The following KCNJ3 variants were observed in gnomAD, a reference collection of about 807,000 sequenced individuals.
KCNJ3 encodes G protein-activated inward rectifier potassium channel 1.
A neutral mutation model predicts 39.2 loss-of-function variants in KCNJ3; 4 were observed. That is an observed-to-expected ratio of 0.10 (90% CI 0.05 to 0.23). The LOEUF is 0.23. Among genes scored for constraint, KCNJ3 ranks in the 10% least tolerant of loss-of-function variants. The pLI, the probability that KCNJ3 is intolerant of heterozygous loss-of-function variation, is 1.00. For missense variants in KCNJ3, 276 were observed against 634.9 expected (o/e 0.43, Z 6.08); for synonymous variants, 230 against 237.4 (o/e 0.97, Z 0.29).
At chr2:154,732,223 T>C (rs1685459402) in intron 2 of KCNJ3, among the ~76,000 whole-genome samples, 1 of 152,150 alleles carries the variant, frequency 6.6e-6, no homozygotes, top group African/African-American at 2.4e-5. Flanking sequence ...GTTTTGCACC[T>C]TGCATACGTG....
intron 1 of KCNJ3, among the ~76,000 whole-genome samples, chr2:154,706,868 C>T (rs557947616): frequency 2.6e-5 from 4 of 152,174 alleles, no homozygotes; most frequent in Middle Eastern, 3.4e-3. Context: ...CAGGCACCTG[C>T]CACATTAAAA....
chr2:154,754,074 A>G (rs1024806970), intron 2 of KCNJ3, among the ~76,000 whole-genome samples: 2 of 152,092 alleles, frequency 1.3e-5, no homozygotes, highest in South Asian at 4.1e-4. Flanking sequence ...ATAGTTTTGG[A>G]TTTACAGGAC....
intron 2 of KCNJ3, among the ~76,000 whole-genome samples, chr2:154,712,301 T>A (rs1314984485): frequency 6.6e-6 from 1 of 152,214 alleles, no homozygotes; most frequent in Non-Finnish European, 1.5e-5. Context: ...TCTTCCTTTA[T>A]CCTTTCATTC....
At position 154,842,563 on chromosome 2, in the gene KCNJ3, G is replaced by T. The variant is rs565027034; in HGVS notation, c.920-12164G>T. 2.0e-5 allele frequency among the ~76,000 whole-genome samples: 3 copies of T among 152,238 alleles called. No individual in the cohort carries two copies. In the South Asian group the frequency reaches 6.2e-4, roughly 32 times the overall value. The stretch of plus-strand genomic sequence containing the variant: ...GGTGTTAAAGTCTCCCATTATTATT[G>T]TGTGGGAATCTAAGTCTCTTTTTAG... On this transcript the variant is annotated intron_variant, in intron 2 of 2. Coordinates refer to ENST00000295101, the MANE Select transcript of KCNJ3 (RefSeq NM_002239.4).
At chr2:154,794,572 T>C (rs1686688194) in intron 2 of KCNJ3, among the ~76,000 whole-genome samples, 1 of 151,998 alleles carries the variant, frequency 6.6e-6, no homozygotes, top group African/African-American at 2.4e-5. Context: ...TAAATATATC[T>C]AGAAGAGTGC....
In KCNJ3 at chr2:154,704,694, A is replaced by G. The variant is rs1385471525; in HGVS notation, c.703-4909A>G. 2.6e-5 allele frequency among the ~76,000 whole-genome samples: 4 copies of G among 152,082 alleles called. No homozygotes were observed. The East Asian group carries it at 7.7e-4, about 29-fold the overall frequency. On this transcript the variant is annotated intron_variant, in intron 1 of 2. Transcript: ENST00000295101. ...GGTCTACATTCCCCTCCACCTGACT[A>G]CTTAAATTTTGGTCTGGGCACCAAA...
chr2:154,744,261 T>C (rs1685699996), intron 2 of KCNJ3, among the ~76,000 whole-genome samples: 1 of 151,736 alleles, frequency 6.6e-6, no homozygotes, highest in African/African-American at 2.4e-5. Flanking sequence ...GTTGGAAACT[T>C]TTATAGCTAA....
intron 2 of KCNJ3, among the ~76,000 whole-genome samples, chr2:154,793,959 A>G (rs577666841): frequency 1.3e-5 from 2 of 151,938 alleles, no homozygotes; most frequent in African/African-American, 4.8e-5. Flanking sequence ...TTTTTTCCTG[A>G]AGCAAATGCC....
At chr2:154,739,236 G>C (rs1345560138) in intron 2 of KCNJ3, among the ~76,000 whole-genome samples, 1 of 151,908 alleles carries the variant, frequency 6.6e-6, no homozygotes, top group Non-Finnish European at 1.5e-5. Context: ...TTACTACAGA[G>C]AACTAAGTGT....
At chr2:154,700,265 T>G in intron 1 of KCNJ3, among the ~76,000 whole-genome samples, 1 of 152,240 alleles carries the variant, frequency 6.6e-6, no homozygotes, top group East Asian at 1.9e-4. Flanking sequence ...GAAGAATTGC[T>G]TCCTACCATC....
intron 2 of KCNJ3, among the ~76,000 whole-genome samples, chr2:154,735,019 A>G (rs1685502870): frequency 6.6e-6 from 1 of 152,096 alleles, no homozygotes; most frequent in Non-Finnish European, 1.5e-5. Context: ...TCAAAAGTCA[A>G]GTGATAGTGA....
intron 2 of KCNJ3, among the ~76,000 whole-genome samples, chr2:154,735,863 A>G (rs114087934): frequency 0.018 from 2,733 of 152,284 alleles, 76 homozygotes; most frequent in African/African-American, 0.062. Context: ...AAAACTGAGT[A>G]ATCTTGATTT....
chr2:154,836,103 G>A (rs1305348290), intron 2 of KCNJ3, among the ~76,000 whole-genome samples: 3 of 151,838 alleles, frequency 2.0e-5, no homozygotes, highest in East Asian at 1.9e-4. Context: ...CCAGCTACTC[G>A]GGAGGCTGAG....
intron 2 of KCNJ3, among the ~76,000 whole-genome samples, chr2:154,807,300 G>A (rs1009454151): frequency 1.3e-5 from 2 of 152,280 alleles, no homozygotes; most frequent in Non-Finnish European, 2.9e-5. Flanking sequence ...GGGGAAGAAA[G>A]TTAATGCCTA....
At chr2:154,846,921 A>ATTCT (rs1337525513) in intron 2 of KCNJ3, among the ~76,000 whole-genome samples, 1 of 152,124 alleles carries the variant, frequency 6.6e-6, no homozygotes, top group Non-Finnish European at 1.5e-5. Flanking sequence ...GTTTTTTAAA[A>ATTCT]TTCTTTGACC....
In KCNJ3 at chr2:154,858,128, A is replaced by C. The variant is rs1687874750; in HGVS notation, c.*2815A>C. The stretch of plus-strand genomic sequence containing the variant: ...TCCACACATGCGTGGGAAAGGTATG[A>C]TTTCTGCATGTAATTGCAGTTTAAC... On this transcript the variant is annotated 3_prime_UTR_variant, in exon 3 of 3. Transcript: ENST00000295101. 6.6e-6 allele frequency: 1 copy of C among 151,944 alleles called. No individual in the cohort carries two copies. Among genetic ancestry groups the C allele is most frequent in the African/African-American group, 2.4e-5 (1 of 41,366 alleles). 9.4% of individuals were successfully genotyped at this position (151,944 alleles called of 1,614,324 possible).
chr2:154,775,645 C>A (rs1686320051), intron 2 of KCNJ3, among the ~76,000 whole-genome samples: 1 of 152,104 alleles, frequency 6.6e-6, no homozygotes, highest in African/African-American at 2.4e-5. Context: ...GAATTTAGAA[C>A]ACATTTTTAT....
intron 2 of KCNJ3, among the ~76,000 whole-genome samples, chr2:154,751,316 C>T (rs954734099): frequency 9.2e-5 from 14 of 151,946 alleles, no homozygotes; most frequent in African/African-American, 3.4e-4. Flanking sequence ...AGCTATATCT[C>T]ATAAATTTGA....
chr2:154,724,916 G>GATATATATATAT (rs1558856912), intron 2 of KCNJ3, among the ~76,000 whole-genome samples: 10 of 59,120 alleles, frequency 1.7e-4, no homozygotes, highest in African/African-American at 1.0e-3. Flanking sequence ...ATACATATGA[G>GATATATATATAT]GTATATATAT....
Sources: gnomAD v4.1 joint callset for allele counts (sites outside exome capture counted in the v4.1 genomes callset) on GRCh38, gnomAD v4.1.1 for gene constraint, MANE v1.5 for transcripts, NCBI Gene and HGNC (gene_info 2026-07-23, HGNC 2026-07-21) for gene names.